The following MTMR7 variants were observed in gnomAD, a reference collection of about 807,000 sequenced individuals.
MTMR7 encodes the protein myotubularin related protein 7, also known as phosphatidylinositol-3-phosphate phosphatase MTMR7.
A neutral mutation model predicts 81.2 loss-of-function variants in MTMR7; 76 were observed. The ratio of observed to expected loss-of-function variants is 0.94; its 90% CI spans 0.78 to 1.13. The LOEUF (loss-of-function observed/expected upper bound fraction) is 1.13. MTMR7 is among the 50% of genes most tolerant of loss of function. The probability of loss-of-function intolerance (pLI) is 0.00; values close to 1 mark genes in which losing one functional copy is unlikely to be tolerated. For missense variants in MTMR7, 1,044 were observed against 820.0 expected, an observed-to-expected ratio of 1.27 and a Z score of -3.34; for synonymous variants, 372 against 289.8, an observed-to-expected ratio of 1.28 and a Z score of -2.88.
At chr8:17,339,522 G>C (rs528943313) in intron 6 of MTMR7, among the ~76,000 whole-genome samples, 1 of 152,272 alleles carries the variant, frequency 6.6e-6, no homozygotes, top group Admixed American at 6.5e-5. Flanking sequence ...CTTTGTGACA[G>C]ACTTCTTCCT....
intron 4 of MTMR7, among the ~76,000 whole-genome samples, chr8:17,355,574 A>T (rs372287005): frequency 9.4e-4 from 133 of 141,724 alleles, no homozygotes; most frequent in East Asian, 4.1e-3. Context: ...TTAAAAAATT[A>T]AAAAAAAAAA....
chr8:17,373,170 G>A lies in MTMR7; in HGVS notation c.95C>T (p.Ala32Val). 6.2e-7 allele frequency: 1 copy of A among 1,613,792 alleles called. No homozygotes were observed. Among genetic ancestry groups the A allele is most frequent in the African/African-American group, 1.3e-5 (1 of 75,046 alleles). ...KAALGTLYLT[A>V]THVIFVENSP... ...ATTTTCCACGAATATGACATGGGTA[G>A]CCGTCAAATACAAAGTACCTAGAGC... The change falls in exon 2 of 14, where the codon GCT becomes GTT. Residue 32 changes from alanine (A) to valine (V), a missense_variant. Ala to Val is a moderately conservative substitution (Grantham distance 64). Transcript: ENST00000180173.
intron 7 of MTMR7, chr8:17,326,331 G>T (rs1297626204): frequency 6.6e-6 from 1 of 152,132 alleles, no homozygotes; most frequent in African/African-American, 2.4e-5. Flanking sequence ...CTTCAATGAG[G>T]TTTACTTGAG....
At chr8:17,304,718 T>G (rs1262297283) in intron 11 of MTMR7, among the ~76,000 whole-genome samples, 199 bp from the exon 12 acceptor site, 1 of 136,986 alleles carries the variant, frequency 7.3e-6, no homozygotes, top group Non-Finnish European at 1.6e-5. Context: ...CACCACCATC[T>G]GTACTGGCCT....
intron 12 of MTMR7, among the ~76,000 whole-genome samples, chr8:17,303,999 C>G (rs1817292724): frequency 6.6e-6 from 1 of 152,152 alleles, no homozygotes; most frequent in Non-Finnish European, 1.5e-5. Flanking sequence ...TGTATAACGG[C>G]AAAAACCACA....
chr8:17,353,141 T>C (rs775354540), intron 4 of MTMR7, among the ~76,000 whole-genome samples: 134 of 152,318 alleles, frequency 8.8e-4, no homozygotes, highest in Middle Eastern at 3.4e-3. Flanking sequence ...TGTTACATGC[T>C]ATAACACAGA....
intron 1 of MTMR7, among the ~76,000 whole-genome samples, chr8:17,405,796 T>C (rs1222928512): frequency 6.6e-6 from 1 of 151,304 alleles, no homozygotes; most frequent in Non-Finnish European, 1.5e-5. Context: ...GAAAAATATT[T>C]TGACATATTA....
At chr8:17,333,631 C>G (rs951852005) in intron 6 of MTMR7, among the ~76,000 whole-genome samples, 1 of 152,136 alleles carries the variant, frequency 6.6e-6, no homozygotes, top group African/African-American at 2.4e-5. Context: ...GGGGAGATCT[C>G]TTGAGCTCAG....
intron 5 of MTMR7, chr8:17,346,033 G>C (rs1819541705): frequency 6.6e-6 from 1 of 152,174 alleles, no homozygotes; most frequent in African/African-American, 2.4e-5. Context: ...TTTTGTGGGA[G>C]ACTGCCTGTT....
chr8:17,387,727 A>G (rs1214578263), intron 1 of MTMR7, among the ~76,000 whole-genome samples: 5 of 152,170 alleles, frequency 3.3e-5, no homozygotes, highest in African/African-American at 4.8e-5. Context: ...CCTATACGTA[A>G]AATTATACTG....
intron 7 of MTMR7, among the ~76,000 whole-genome samples, chr8:17,315,915 A>G (rs1253881969): frequency 6.6e-6 from 1 of 152,212 alleles, no homozygotes; most frequent in Non-Finnish European, 1.5e-5. Flanking sequence ...TGGGAGGCTG[A>G]GTTGAGAGGA....
At chr8:17,340,556 G>T (rs779926446) in intron 6 of MTMR7, among the ~76,000 whole-genome samples, 7 of 152,134 alleles carry the variant, frequency 4.6e-5, no homozygotes, top group Non-Finnish European at 1.0e-4. Context: ...TTGGGTCTAA[G>T]GAGAAAAACT....
At chr8:17,387,680 T>TTA in intron 1 of MTMR7, among the ~76,000 whole-genome samples, 1 of 152,312 alleles carries the variant, frequency 6.6e-6, no homozygotes, top group South Asian at 2.1e-4. Context: ...GATACACACA[T>TTA]TTCTACAGAT....
At chr8:17,344,327 T>C (rs1195918797) in intron 5 of MTMR7, among the ~76,000 whole-genome samples, 1 of 152,108 alleles carries the variant, frequency 6.6e-6, no homozygotes, top group Non-Finnish European at 1.5e-5. Flanking sequence ...AGATACAGCA[T>C]AAAGCCAGGC....
At chr8:17,367,636 T>C (rs1820269734) in intron 3 of MTMR7, among the ~76,000 whole-genome samples, 1 of 152,214 alleles carries the variant, frequency 6.6e-6, no homozygotes, top group African/African-American at 2.4e-5. Context: ...ATAAAGTCTC[T>C]AATTTTTTAA....
In MTMR7 at chr8:17,305,810, G is replaced by T; in HGVS notation, c.1299C>A (p.Ser433=). The T allele has an allele frequency of 6.2e-7, 1 of 1,613,580 alleles. No homozygotes were observed. Among genetic ancestry groups the T allele is most frequent in the Non-Finnish European group, 8.5e-7 (1 of 1,179,652 alleles). ...TACATAGGAAGTTTCCAAACTGGCA[G>T]GAATAAATGTGATGTTGAATGTGAA... is the stretch of plus-strand genomic sequence containing the variant. ...FLIHIQHHIY[S]CQFGNFLCNS... The change falls in exon 11 of 14, where the codon TCC becomes TCA. Residue 433 remains serine (S), a synonymous_variant. Coordinates refer to ENST00000180173, the MANE Select transcript of MTMR7 (RefSeq NM_004686.5).
intron 12 of MTMR7, 157 bp from the exon 13 acceptor site, chr8:17,302,437 G>T (rs1817179352): frequency 1.3e-6 from 1 of 758,776 alleles, no homozygotes; most frequent in Non-Finnish European, 2.0e-6. Context: ...ATAATTTCAT[G>T]TTGATGTTTT....
intron 1 of MTMR7, among the ~76,000 whole-genome samples, chr8:17,405,733 G>A (rs1448680120): frequency 6.6e-6 from 1 of 151,828 alleles, no homozygotes; most frequent in Admixed American, 6.6e-5. Context: ...TCATCATAAT[G>A]TGGACTATGT....
chr8:17,403,391 G>T (rs905547165), intron 1 of MTMR7, among the ~76,000 whole-genome samples: 1 of 152,148 alleles, frequency 6.6e-6, no homozygotes, highest in Non-Finnish European at 1.5e-5. Flanking sequence ...CACTGTAGGT[G>T]TGTGGATTTG....
Sources: gnomAD v4.1 joint callset for allele counts (sites outside exome capture counted in the v4.1 genomes callset) on GRCh38, gnomAD v4.1.1 for gene constraint, MANE v1.5 for transcripts, NCBI Gene and HGNC (gene_info 2026-07-23, HGNC 2026-07-21) for gene names.